HCN1: variants seen among roughly 807,000 people sequenced by gnomAD.
HCN1 encodes the protein hyperpolarization activated cyclic nucleotide gated potassium channel 1.
A neutral mutation model predicts 78.9 loss-of-function variants in HCN1; 13 were observed. The observed-to-expected ratio is 0.16, with a 90% CI of 0.11 to 0.26. The LOEUF is 0.26. Among genes scored for constraint, HCN1 ranks in the 10% least tolerant of loss-of-function variants. The pLI is 1.00. For missense variants in HCN1, 810 were observed against 1,154.3 expected (o/e 0.70, Z 4.32); for synonymous variants, 552 against 455.5 (o/e 1.21, Z -2.70).
intron 4 of HCN1, among the ~76,000 whole-genome samples, chr5:45,382,934 C>T (rs1298908424): frequency 6.6e-6 from 1 of 152,122 alleles, no homozygotes; most frequent in Non-Finnish European, 1.5e-5. Flanking sequence ...TACTACACTA[C>T]AGTAGAGAAA....
At chr5:45,678,010 A>ACACACC (rs1221462186) in intron 1 of HCN1, among the ~76,000 whole-genome samples, 1 of 107,870 alleles carries the variant, frequency 9.3e-6, no homozygotes, top group African/African-American at 3.6e-5. Context: ...ACACACACAC[A>ACACACC]CACATACACA....
In HCN1 at chr5:45,406,163, T is replaced by C. The variant is rs576978236; in HGVS notation, c.1012-9453A>G. ...ACTATTTATAAAACAGGCCCCAAAT[T>C]TGACATTACTTAAATACTGTAAGTG... is the stretch of plus-strand genomic sequence containing the variant. On this transcript the variant is annotated intron_variant, in intron 3 of 7. Transcript: ENST00000303230. 3.3e-5 allele frequency among the ~76,000 whole-genome samples: 5 copies of C among 152,256 alleles called. No individual in the cohort carries two copies. In the South Asian group the frequency reaches 6.2e-4, roughly 19 times the overall value.
At chr5:45,681,296 T>A (rs1014137995) in intron 1 of HCN1, among the ~76,000 whole-genome samples, 2 of 152,150 alleles carry the variant, frequency 1.3e-5, no homozygotes, top group African/African-American at 4.8e-5. Flanking sequence ...CCTGTAAAGT[T>A]GCCCATGATT....
intron 6 of HCN1, among the ~76,000 whole-genome samples, chr5:45,286,804 T>C (rs1057236629): frequency 2.0e-5 from 3 of 152,048 alleles, no homozygotes; most frequent in African/African-American, 4.8e-5. Context: ...AAATTACTTC[T>C]GGCATTTTAA....
intron 4 of HCN1, among the ~76,000 whole-genome samples, chr5:45,372,109 AT>A (rs1355819479): frequency 3.4e-5 from 2 of 59,128 alleles, no homozygotes; most frequent in African/African-American, 9.0e-5. Flanking sequence ...TTTATATATA[AT>A]ATAATTATAT....
intron 2 of HCN1, among the ~76,000 whole-genome samples, chr5:45,630,822 A>C (rs1302489840): frequency 1.3e-5 from 2 of 151,920 alleles, no homozygotes; most frequent in Non-Finnish European, 2.9e-5. Context: ...GTTTTTTTTA[A>C]ATTTTTTATT....
intron 3 of HCN1, among the ~76,000 whole-genome samples, chr5:45,435,033 T>A (rs1740536280): frequency 6.6e-6 from 1 of 152,192 alleles, no homozygotes; most frequent in East Asian, 1.9e-4. Context: ...CAAAGCTAAT[T>A]AACAACATCC....
At chr5:45,492,221 C>A (rs928481570) in intron 2 of HCN1, among the ~76,000 whole-genome samples, 40 of 151,430 alleles carry the variant, frequency 2.6e-4, no homozygotes, top group African/African-American at 9.2e-4. Flanking sequence ...AGAATAAGCA[C>A]TAGAGATGCA....
chr5:45,367,416 T>C (rs1445353380), intron 4 of HCN1, among the ~76,000 whole-genome samples: 1 of 151,954 alleles, frequency 6.6e-6, no homozygotes, highest in African/African-American at 2.4e-5. Context: ...AGACTATATA[T>C]GTAACATAAA....
intron 4 of HCN1, among the ~76,000 whole-genome samples, chr5:45,387,614 C>T (rs948850495): frequency 2.0e-5 from 3 of 151,958 alleles, no homozygotes; most frequent in Admixed American, 6.6e-5. Context: ...TAACAGATGG[C>T]TTAAGAGAAG....
chr5:45,562,030 G>A (rs901630974), intron 2 of HCN1, among the ~76,000 whole-genome samples: 1 of 152,134 alleles, frequency 6.6e-6, no homozygotes, highest in Non-Finnish European at 1.5e-5. Flanking sequence ...ATCATTCAGT[G>A]AAGTATCCAA....
intron 2 of HCN1, among the ~76,000 whole-genome samples, chr5:45,581,578 A>G (rs1049758227): frequency 5.3e-5 from 8 of 151,958 alleles, no homozygotes; most frequent in Non-Finnish European, 8.8e-5. Flanking sequence ...TGGTGTTTTA[A>G]ACATGAAGTC....
intron 1 of HCN1, among the ~76,000 whole-genome samples, chr5:45,652,175 T>C (rs2112042086): frequency 6.6e-6 from 1 of 152,050 alleles, no homozygotes; most frequent in African/African-American, 2.4e-5. Context: ...AAACATGTTT[T>C]GTCTATTTCC....
intron 6 of HCN1, among the ~76,000 whole-genome samples, chr5:45,280,214 T>C (rs1243602763): frequency 6.6e-6 from 1 of 152,194 alleles, no homozygotes; most frequent in South Asian, 2.1e-4. Flanking sequence ...TATATTTACT[T>C]ACTATTTTGC....
chr5:45,463,518 A>G (rs1741207774), intron 2 of HCN1, among the ~76,000 whole-genome samples: 2 of 152,094 alleles, frequency 1.3e-5, no homozygotes, highest in Admixed American at 1.3e-4. Context: ...CACACAACTT[A>G]TTATATAGCA....
chr5:45,334,644 C>T (rs1034465767), intron 5 of HCN1, among the ~76,000 whole-genome samples: 1 of 151,972 alleles, frequency 6.6e-6, no homozygotes, highest in African/African-American at 2.4e-5. Context: ...ATCAATGTCT[C>T]ACACACATTA....
At chr5:45,360,551 T>A (rs1747089236) in intron 4 of HCN1, among the ~76,000 whole-genome samples, 1 of 152,100 alleles carries the variant, frequency 6.6e-6, no homozygotes, top group South Asian at 2.1e-4. Flanking sequence ...AAGTATTGTT[T>A]CTAGAATTTT....
Position 45,427,781 on chromosome 5 carries a change from T to C in HCN1, c.1012-31071A>G, listed in dbSNP as rs985365212. Among the ~76,000 whole-genome samples the C allele has an allele frequency of 2.6e-5, 4 of 152,146 alleles. No individual in the cohort carries two copies. The East Asian group carries it at 7.7e-4, about 29-fold the overall frequency. ...AACATTTTTACATTAAAACAAAGTA[T>C]AAAATGTTTTTATGTCATGTAGCAT... On this transcript the variant is annotated intron_variant, in intron 3 of 7. Coordinates refer to ENST00000303230, the MANE Select transcript of HCN1 (RefSeq NM_021072.4).
At chr5:45,613,504 A>G (rs1232318073) in intron 2 of HCN1, among the ~76,000 whole-genome samples, 1 of 151,940 alleles carries the variant, frequency 6.6e-6, no homozygotes, top group East Asian at 1.9e-4. Context: ...GAACACTTTT[A>G]CACTGTTGGT....
Sources: allele counts gnomAD v4.1 joint callset (sites outside exome capture counted in the v4.1 genomes callset), GRCh38; gene constraint gnomAD v4.1.1; transcripts MANE v1.5; gene names NCBI Gene and HGNC (gene_info 2026-07-23, HGNC 2026-07-21).